TBC1D5: variants seen among roughly 807,000 people sequenced by gnomAD.
The protein encoded by TBC1D5 is TBC1 domain family member 5.
A neutral mutation model predicts 100.3 loss-of-function variants in TBC1D5; 75 were observed. The ratio of observed to expected loss-of-function variants is 0.75; its 90% CI spans 0.62 to 0.91. TBC1D5 has a LOEUF of 0.91. Ranked by LOEUF, TBC1D5 falls within the 40% of genes least tolerant of loss-of-function variation. The probability of loss-of-function intolerance (pLI) is 0.00; values close to 1 mark genes in which losing one functional copy is unlikely to be tolerated. For synonymous variants in TBC1D5, 323 were observed against 325.6 expected, an observed-to-expected ratio of 0.99 and a Z score of 0.09; for missense variants, 910 against 942.4, an observed-to-expected ratio of 0.97 and a Z score of 0.45.
At chr3:17,654,752 T>A (rs1322576003) in intron 1 of TBC1D5, among the ~76,000 whole-genome samples, 2 of 152,184 alleles carry the variant, frequency 1.3e-5, no homozygotes, top group Non-Finnish European at 2.9e-5. Context: ...TTCCTCCTTG[T>A]ACCCCTGGTA....
At chr3:17,178,106 C>T (rs1361952392) in intron 19 of TBC1D5, among the ~76,000 whole-genome samples, 10 of 145,242 alleles carry the variant, frequency 6.9e-5, no homozygotes, top group Non-Finnish European at 1.0e-4. Context: ...CGCTCTGTCG[C>T]CCAGGCTGGA....
intron 13 of TBC1D5, among the ~76,000 whole-genome samples, chr3:17,347,577 C>T (rs904923897): frequency 6.6e-6 from 1 of 151,774 alleles, no homozygotes. Context: ...TAATAATAAA[C>T]ATGCCTCACT....
At position 17,409,761 on chromosome 3, in the gene TBC1D5, A is replaced by G. The variant is rs145591763; in HGVS notation, c.168-3235T>C. ...AAAACCTAATCCAGAGCAAAGCCCT[A>G]ACTCTCTTCAATTCTGTGAAAGCTG... On this transcript the variant is annotated intron_variant, in intron 4 of 21. Coordinates refer to ENST00000253692, the Ensembl canonical transcript of TBC1D5. 3.4e-3 allele frequency among the ~76,000 whole-genome samples: 521 copies of G among 152,286 alleles called. 3 individuals carry two copies. The highest frequency in any genetic ancestry group is 0.012 in the African/African-American group (506 of 41,566).
At chr3:17,519,073 T>C (rs2096030496) in intron 2 of TBC1D5, 1 of 152,272 alleles carries the variant, frequency 6.6e-6, no homozygotes, top group African/African-American at 2.4e-5. Flanking sequence ...CAAGCAAATA[T>C]CCTGCTTCAG....
rs2125419336 is a variant in TBC1D5 at position 17,180,669 on chromosome 3, CA to C, written c.1852+4439del. 2.0e-5 allele frequency among the ~76,000 whole-genome samples: 3 copies of C among 152,196 alleles called. 1 individual carries two copies. In the South Asian group the frequency reaches 6.2e-4, roughly 32 times the overall value. ...GGCCATTATGCTAAGTGAAACCACT[CA>C]GAAATAGTCAAATTCTGCATGTTCT... On this transcript the variant is annotated intron_variant, in intron 19 of 21. Coordinates refer to ENST00000253692, the Ensembl canonical transcript of TBC1D5.
At chr3:17,730,128 T>C (rs891863303) in intron 1 of TBC1D5, among the ~76,000 whole-genome samples, 1 of 152,092 alleles carries the variant, frequency 6.6e-6, no homozygotes, top group African/African-American at 2.4e-5. Context: ...AAAAAAATTA[T>C]ACTTAATGTT....
intron 4 of TBC1D5, among the ~76,000 whole-genome samples, chr3:17,411,519 G>C (rs2093924546): frequency 6.6e-6 from 1 of 152,148 alleles, no homozygotes; most frequent in Non-Finnish European, 1.5e-5. Flanking sequence ...ATCACAATTT[G>C]TGAGACACCA....
At chr3:17,685,075 T>A (rs1009997087) in intron 1 of TBC1D5, among the ~76,000 whole-genome samples, 1 of 152,074 alleles carries the variant, frequency 6.6e-6, no homozygotes, top group East Asian at 1.9e-4. Context: ...AATGATAGGC[T>A]ATATCATTAA....
intron 19 of TBC1D5, among the ~76,000 whole-genome samples, chr3:17,177,765 G>C (rs1393884202): frequency 2.0e-5 from 3 of 151,950 alleles, no homozygotes; most frequent in Non-Finnish European, 4.4e-5. Context: ...ATTTTTGCAA[G>C]TACTTAGTAG....
At chr3:17,494,923 T>G (rs1158682943) in intron 3 of TBC1D5, among the ~76,000 whole-genome samples, 1 of 152,222 alleles carries the variant, frequency 6.6e-6, no homozygotes, top group Non-Finnish European at 1.5e-5. Flanking sequence ...GGGGATACCC[T>G]GATCCCTGGG....
intron 2 of TBC1D5, among the ~76,000 whole-genome samples, chr3:17,605,965 C>T (rs1168066849): frequency 1.3e-5 from 2 of 152,134 alleles, no homozygotes; most frequent in South Asian, 2.1e-4. Flanking sequence ...TAAGCTTGCT[C>T]TCTAGTTCTA....
chr3:17,719,618 T>G (rs922637685), intron 1 of TBC1D5, among the ~76,000 whole-genome samples: 1 of 152,160 alleles, frequency 6.6e-6, no homozygotes, highest in Non-Finnish European at 1.5e-5. Context: ...TAACTGCTAT[T>G]CCTATGAGGA....
intron 16 of TBC1D5, among the ~76,000 whole-genome samples, chr3:17,258,295 T>C (rs1429642106): frequency 6.6e-6 from 1 of 152,190 alleles, no homozygotes; most frequent in Non-Finnish European, 1.5e-5. Context: ...TTGTAACAAG[T>C]ACTCTTATAT....
chr3:17,702,187 T>C (rs2073312885), intron 1 of TBC1D5: 1 of 152,188 alleles, frequency 6.6e-6, no homozygotes, highest in African/African-American at 2.4e-5. Flanking sequence ...TTTGGCATAC[T>C]CTACCTGTCA....
chr3:17,697,153 G>A (rs560518435), intron 1 of TBC1D5, among the ~76,000 whole-genome samples: 11 of 152,264 alleles, frequency 7.2e-5, no homozygotes, highest in African/African-American at 1.2e-4. Flanking sequence ...ATATCATACC[G>A]AATGGGCAAC....
At chr3:17,404,805 G>C (rs768274419) in intron 6 of TBC1D5, 37 bp from the exon 7 acceptor site, 2 of 1,588,732 alleles carry the variant, frequency 1.3e-6, no homozygotes, top group African/African-American at 2.7e-5. Flanking sequence ...ACAAGGATCA[G>C]AGGCTACTGG....
At chr3:17,281,195 A>G (rs1404451696) in intron 15 of TBC1D5, among the ~76,000 whole-genome samples, 1 of 152,230 alleles carries the variant, frequency 6.6e-6, no homozygotes. Flanking sequence ...AGACTTCTGA[A>G]AGATGGTTCC....
At chr3:17,162,344 G>C (rs541377344) in intron 21 of TBC1D5, among the ~76,000 whole-genome samples, 23 of 152,232 alleles carry the variant, frequency 1.5e-4, no homozygotes, top group Non-Finnish European at 2.9e-4. Flanking sequence ...AGCCAAGAAG[G>C]GGAATGAGTA....
At chr3:17,163,324 C>T (rs1380790006) in intron 21 of TBC1D5, among the ~76,000 whole-genome samples, 1 of 150,654 alleles carries the variant, frequency 6.6e-6, no homozygotes, top group East Asian at 2.0e-4. Flanking sequence ...GACCTGGTAG[C>T]TTGGCCAATG....
Sources: allele counts gnomAD v4.1 joint callset (sites outside exome capture counted in the v4.1 genomes callset), GRCh38; gene constraint gnomAD v4.1.1; transcripts MANE v1.5; gene names NCBI Gene and HGNC (gene_info 2026-07-23, HGNC 2026-07-21).